Variants in KDM4C observed in about 807,000 individuals in gnomAD.
KDM4C encodes lysine demethylase 4C.
A neutral mutation model predicts 129.3 loss-of-function variants in KDM4C; 81 were observed. That is an observed-to-expected ratio of 0.63 (90% CI 0.52 to 0.75). The LOEUF (loss-of-function observed/expected upper bound fraction) is 0.75. KDM4C is among the 30% of genes least tolerant of loss of function. The probability of loss-of-function intolerance (pLI) is 0.00; values close to 1 mark genes in which losing one functional copy is unlikely to be tolerated. For missense variants in KDM4C, 1,457 were observed against 1,304.0 expected, an observed-to-expected ratio of 1.12 and a Z score of -1.81; for synonymous variants, 573 against 456.1, an observed-to-expected ratio of 1.26 and a Z score of -3.26.
chr9:6,734,082 G>C (rs1817442081), intron 1 of KDM4C, among the ~76,000 whole-genome samples: 2 of 152,106 alleles, frequency 1.3e-5, no homozygotes, highest in South Asian at 4.1e-4. Context: ...ATGCAGCCCA[G>C]TGGGTCTCAG....
At chr9:6,925,688 A>G (rs1002933650) in intron 8 of KDM4C, 14 of 964,088 alleles carry the variant, frequency 1.5e-5, no homozygotes, top group African/African-American at 1.8e-5. Context: ...GAATTTTCCA[A>G]TTAGTTCTGT....
At chr9:6,839,403 T>G (rs976253003) in intron 4 of KDM4C, among the ~76,000 whole-genome samples, 1 of 148,626 alleles carries the variant, frequency 6.7e-6, no homozygotes, top group African/African-American at 2.5e-5. Context: ...CCAGTTTTTT[T>G]TTTTTTTTTT....
chr9:6,896,863 A>C (rs182034900), intron 8 of KDM4C, among the ~76,000 whole-genome samples: 2 of 152,172 alleles, frequency 1.3e-5, no homozygotes, highest in African/African-American at 2.4e-5. Context: ...GCTGTTGGCT[A>C]CTTGACTTCT....
intron 5 of KDM4C, among the ~76,000 whole-genome samples, chr9:6,851,675 C>T (rs1838872134): frequency 6.6e-6 from 1 of 152,096 alleles, no homozygotes; most frequent in East Asian, 1.9e-4. Flanking sequence ...TTTGAGTTTT[C>T]AGTATTAGGA....
rs559006750 is a variant in KDM4C at position 7,107,230 on chromosome 9, G to C, written c.2610+3360G>C. Among the ~76,000 whole-genome samples the C allele has an allele frequency of 1.4e-4, 22 of 152,264 alleles. 1 individual carries two copies. The South Asian group carries it at 3.9e-3, about 27-fold the overall frequency. On this transcript the variant is annotated intron_variant, in intron 18 of 21. Coordinates refer to ENST00000381309, the MANE Select transcript of KDM4C (RefSeq NM_015061.6). ...GGCTGTATTTCCAAAGGTTCCACTTGGATATATTCCTAACCCAGTTATCTG... is the reference window on the plus strand; with the variant it reads ...GGCTGTATTTCCAAAGGTTCCACTTCGATATATTCCTAACCCAGTTATCTG...
intron 2 of KDM4C, among the ~76,000 whole-genome samples, chr9:6,798,795 C>G (rs1311380426): frequency 1.3e-5 from 2 of 152,292 alleles, no homozygotes; most frequent in Admixed American, 1.3e-4. Flanking sequence ...AGAGGGGCTC[C>G]TCACTTCCCC....
At chr9:7,050,355 G>GTGAC (rs1829970560) in intron 17 of KDM4C, among the ~76,000 whole-genome samples, 1 of 141,778 alleles carries the variant, frequency 7.1e-6, no homozygotes, top group South Asian at 2.3e-4. Flanking sequence ...AAAGGTCACA[G>GTGAC]TGACTGTCAG....
chr9:6,837,668 T>A (rs1173216962), intron 4 of KDM4C, among the ~76,000 whole-genome samples: 1 of 152,208 alleles, frequency 6.6e-6, no homozygotes, highest in Non-Finnish European at 1.5e-5. Context: ...TCCTCTATTT[T>A]TCTATTAGAT....
At chr9:6,924,830 C>A in intron 8 of KDM4C, 1 of 980,980 alleles carries the variant, frequency 1.0e-6, no homozygotes, top group Non-Finnish European at 1.2e-6. Context: ...TTGCTATTAA[C>A]ATGAAAATAA....
intron 17 of KDM4C, among the ~76,000 whole-genome samples, chr9:7,077,675 A>T (rs1427411256): frequency 6.6e-6 from 1 of 152,208 alleles, no homozygotes; most frequent in East Asian, 1.9e-4. Flanking sequence ...ACTCCCAGGA[A>T]CACCTTTAAG....
chr9:6,970,774 T>C (rs1255394587), intron 8 of KDM4C, among the ~76,000 whole-genome samples: 1 of 152,136 alleles, frequency 6.6e-6, no homozygotes, highest in Non-Finnish European at 1.5e-5. Context: ...TTTATTGCTA[T>C]TTAAAAAACA....
intron 5 of KDM4C, among the ~76,000 whole-genome samples, chr9:6,859,016 G>C (rs1308699727): frequency 6.6e-6 from 1 of 152,128 alleles, no homozygotes; most frequent in Non-Finnish European, 1.5e-5. Context: ...ATTACAAATA[G>C]ATTTATAAAT....
chr9:6,995,802 G>A (rs191968039), intron 12 of KDM4C, among the ~76,000 whole-genome samples: 4 of 152,156 alleles, frequency 2.6e-5, no homozygotes, highest in East Asian at 1.9e-4. Flanking sequence ...CTCCCAAGTA[G>A]CTGGGACTAC....
At chr9:6,906,574 GACA>G (rs543719394) in intron 8 of KDM4C, among the ~76,000 whole-genome samples, 39 of 152,254 alleles carry the variant, frequency 2.6e-4, no homozygotes, top group African/African-American at 9.4e-4. Context: ...GAGTTGCTAG[GACA>G]ACTACAGGCA....
intron 8 of KDM4C, 85 bp from the exon 9 acceptor site, chr9:6,980,840 C>T (rs1816644238): frequency 8.8e-7 from 1 of 1,131,652 alleles, no homozygotes; most frequent in African/African-American, 1.6e-5. Flanking sequence ...ACTAAGTATT[C>T]ATGGATGATG....
At chr9:6,950,399 C>T (rs1424135807) in intron 8 of KDM4C, among the ~76,000 whole-genome samples, 2 of 151,628 alleles carry the variant, frequency 1.3e-5, no homozygotes, top group Non-Finnish European at 2.9e-5. Flanking sequence ...TTTATTTTTC[C>T]CTGTCTTTGA....
At chr9:7,052,431 A>G (rs1830270677) in intron 17 of KDM4C, among the ~76,000 whole-genome samples, 1 of 152,230 alleles carries the variant, frequency 6.6e-6, no homozygotes, top group Non-Finnish European at 1.5e-5. Flanking sequence ...TTTGCACGTC[A>G]GGCTTATAAT....
At chr9:6,809,583 A>G (rs556427368) in intron 3 of KDM4C, among the ~76,000 whole-genome samples, 3 of 152,226 alleles carry the variant, frequency 2.0e-5, no homozygotes, top group Non-Finnish European at 4.4e-5. Context: ...AAGGAATACA[A>G]GGCTTCTGTG....
intron 1 of KDM4C, chr9:6,726,923 T>G (rs895383454): frequency 3.3e-5 from 5 of 151,962 alleles, no homozygotes; most frequent in African/African-American, 1.2e-4. Flanking sequence ...TTAGTAGAGA[T>G]AGGATTTCGC....
Sources: allele counts gnomAD v4.1 joint callset (sites outside exome capture counted in the v4.1 genomes callset), GRCh38; gene constraint gnomAD v4.1.1; transcripts MANE v1.5; gene names NCBI Gene and HGNC (gene_info 2026-07-23, HGNC 2026-07-21).